Variants in DLC1 observed in about 807,000 individuals in gnomAD.
DLC1 encodes rho GTPase-activating protein 7.
In DLC1, 54 loss-of-function variants were observed where a neutral mutation model predicts 140.3. That is an observed-to-expected ratio of 0.38 (90% confidence interval 0.31 to 0.48). The LOEUF (loss-of-function observed/expected upper bound fraction) is 0.48, where lower values mean the gene tolerates loss of function less well. DLC1 is among the 20% of genes least tolerant of loss of function. DLC1 has a pLI of 0.96. For missense variants in DLC1, 2,536 were observed against 1,907.0 expected (o/e 1.33, Z -6.14); for synonymous variants, 986 against 728.1 (o/e 1.35, Z -5.70).
intron 4 of DLC1, among the ~76,000 whole-genome samples, chr8:13,314,960 C>A (rs369107659): frequency 3.0e-4 from 46 of 152,220 alleles, no homozygotes; most frequent in Middle Eastern, 3.4e-3. Context: ...ACCATGATAC[C>A]AGGATCAGTA....
chr8:13,417,326 A>G (rs1838112437), intron 2 of DLC1, among the ~76,000 whole-genome samples: 1 of 151,780 alleles, frequency 6.6e-6, no homozygotes, highest in Non-Finnish European at 1.5e-5. Flanking sequence ...GTCATTTAGC[A>G]TTAGGTATAT....
At chr8:13,420,806 T>C (rs965787939) in intron 2 of DLC1, among the ~76,000 whole-genome samples, 1 of 152,124 alleles carries the variant, frequency 6.6e-6, no homozygotes, top group African/African-American at 2.4e-5. Context: ...TTTTTGACCT[T>C]TATAGTGGCT....
intron 5 of DLC1, among the ~76,000 whole-genome samples, chr8:13,161,570 C>T (rs539123105): frequency 1.3e-5 from 2 of 152,306 alleles, no homozygotes; most frequent in South Asian, 2.1e-4. Context: ...TTCTTGGCCT[C>T]AAACAACCCT....
intron 2 of DLC1, among the ~76,000 whole-genome samples, chr8:13,443,679 A>G (rs1798647438): frequency 6.6e-6 from 1 of 151,686 alleles, no homozygotes; most frequent in Non-Finnish European, 1.5e-5. Flanking sequence ...AAAAAAAGAA[A>G]AAGAAAAAAA....
At position 13,102,859 on chromosome 8, in the gene DLC1, G is replaced by A. The variant is rs1037137444; in HGVS notation, c.1503-6C>T. 6.2e-7 allele frequency: 1 copy of A among 1,613,190 alleles called. No homozygotes were observed. Among genetic ancestry groups the A allele is most frequent in the Non-Finnish European group, 8.5e-7 (1 of 1,179,724 alleles). On this transcript the variant is annotated splice_polypyrimidine_tract_variant and splice_region_variant and intron_variant, in intron 7 of 17. Coordinates refer to ENST00000276297, the MANE Select transcript of DLC1 (RefSeq NM_182643.3). ...TGTTTAAAGTATTTAGACGCCTATA[G>A]AGCAAAGAAATAACGTTAGCAAAGA...
chr8:13,469,771 G>T (rs1800120712), intron 2 of DLC1, among the ~76,000 whole-genome samples: 1 of 152,140 alleles, frequency 6.6e-6, no homozygotes, highest in Non-Finnish European at 1.5e-5. Context: ...TTGTTACAAT[G>T]CCTTTCTAGA....
chr8:13,338,127 A>G (rs570555423), intron 4 of DLC1, among the ~76,000 whole-genome samples: 1 of 152,148 alleles, frequency 6.6e-6, no homozygotes, highest in African/African-American at 2.4e-5. Context: ...GACTGGCTGC[A>G]ATTTTGTCCC....
intron 5 of DLC1, among the ~76,000 whole-genome samples, chr8:13,181,159 C>A (rs28366767): frequency 6.6e-6 from 1 of 151,612 alleles, no homozygotes; most frequent in East Asian, 2.0e-4. Context: ...GAAAAGAAAC[C>A]CAGGAACAAA....
intron 5 of DLC1, among the ~76,000 whole-genome samples, chr8:13,262,797 A>G (rs1001339025): frequency 1.3e-5 from 2 of 152,218 alleles, no homozygotes; most frequent in Admixed American, 1.3e-4. Flanking sequence ...CAATATGATC[A>G]GAAGAAAGAC....
chr8:13,364,663 A>C (rs946387261), intron 4 of DLC1, among the ~76,000 whole-genome samples: 1 of 152,176 alleles, frequency 6.6e-6, no homozygotes, highest in Admixed American at 6.5e-5. Flanking sequence ...GAACCATGCA[A>C]GCACATAAGC....
intron 5 of DLC1, among the ~76,000 whole-genome samples, chr8:13,234,377 C>T (rs1184200749): frequency 6.6e-6 from 1 of 152,056 alleles, no homozygotes; most frequent in Non-Finnish European, 1.5e-5. Flanking sequence ...AATGCAGGTT[C>T]AGTAAAAAAT....
chr8:13,478,118 C>G (rs969847087), intron 2 of DLC1, among the ~76,000 whole-genome samples: 1 of 152,118 alleles, frequency 6.6e-6, no homozygotes, highest in African/African-American at 2.4e-5. Flanking sequence ...AGAGGTTTAA[C>G]TGGCTTATGG....
intron 5 of DLC1, among the ~76,000 whole-genome samples, chr8:13,206,919 C>G (rs1331119451): frequency 2.6e-5 from 4 of 152,052 alleles, no homozygotes; most frequent in African/African-American, 9.7e-5. Context: ...TGATAAGCAG[C>G]TGTCACTATT....
intron 1 of DLC1, among the ~76,000 whole-genome samples, chr8:13,556,042 A>G (rs1310013221): frequency 4.6e-5 from 7 of 152,124 alleles, no homozygotes; most frequent in African/African-American, 1.4e-4. Flanking sequence ...GAAGGACAAA[A>G]GAGAAAGAAA....
At chr8:13,305,797 T>TCCAGCCTGGGCA (rs1832393910) in intron 4 of DLC1, among the ~76,000 whole-genome samples, 1 of 152,176 alleles carries the variant, frequency 6.6e-6, no homozygotes, top group Non-Finnish European at 1.5e-5. Context: ...ATGATCGTGC[T>TCCAGCCTGGGCA]ACAGACTCCA....
At chr8:13,266,849 A>G (rs922249326) in intron 5 of DLC1, among the ~76,000 whole-genome samples, 4 of 152,118 alleles carry the variant, frequency 2.6e-5, no homozygotes, top group Non-Finnish European at 5.9e-5. Flanking sequence ...AGGCCTGATA[A>G]TAACATTAGA....
intron 2 of DLC1, among the ~76,000 whole-genome samples, chr8:13,405,692 T>C (rs1344407560): frequency 2.0e-5 from 3 of 152,120 alleles, no homozygotes; most frequent in Non-Finnish European, 4.4e-5. Context: ...GCATCCTGGT[T>C]TTTCTTCCTG....
chr8:13,529,729 A>AGAG (rs1306870327), intron 1 of DLC1, among the ~76,000 whole-genome samples: 1 of 152,200 alleles, frequency 6.6e-6, no homozygotes, highest in African/African-American at 2.4e-5. Flanking sequence ...CCTTCCAGAA[A>AGAG]GATGAGACTA....
At chr8:13,569,180 T>C (rs1045662903) in intron 1 of DLC1, among the ~76,000 whole-genome samples, 1 of 152,178 alleles carries the variant, frequency 6.6e-6, no homozygotes, top group Non-Finnish European at 1.5e-5. Flanking sequence ...CTATTTCCTC[T>C]ATAAAAATAT....
Sources: allele counts gnomAD v4.1 joint callset (sites outside exome capture counted in the v4.1 genomes callset), GRCh38; gene constraint gnomAD v4.1.1; transcripts MANE v1.5; gene names NCBI Gene and HGNC (gene_info 2026-07-23, HGNC 2026-07-21).